The following SERPINB5 variants were observed in gnomAD, a reference collection of about 807,000 sequenced individuals.
SERPINB5 encodes serpin family B member 5, also known as serpin B5.
Under a neutral mutation model 32.2 loss-of-function variants are expected in SERPINB5, and 27 were observed. That is an observed-to-expected ratio of 0.84 (90% CI 0.62 to 1.16). The LOEUF is 1.16. Ranked by LOEUF, SERPINB5 falls within the 50% of genes most tolerant of loss-of-function variation. SERPINB5 has a pLI of 0.00. For missense variants in SERPINB5, 388 were observed against 436.3 expected (o/e 0.89, Z 0.99); for synonymous variants, 154 against 157.4 (o/e 0.98, Z 0.16).
intron 1 of SERPINB5, among the ~76,000 whole-genome samples, chr18:63,480,809 G>A (rs1465617183): frequency 6.6e-6 from 1 of 152,118 alleles, no homozygotes; most frequent in Non-Finnish European, 1.5e-5. Flanking sequence ...GTGATTTTTT[G>A]CAACTACAAC....
In SERPINB5 at chr18:63,487,038, A is replaced by G. The variant is rs1402201250; in HGVS notation, c.261A>G (p.Lys87=). The change falls in exon 3 of 7, where the codon AAA becomes AAG. Residue 87 remains lysine, a synonymous_variant. Transcript: ENST00000382771. Reference sequence around the variant, plus strand: ...AACTTAGTTCCTTTTACTCACTGAAACTAATCAAGCGGCTCTACGTAGACA... The same window carrying G: ...AACTTAGTTCCTTTTACTCACTGAAGCTAATCAAGCGGCTCTACGTAGACA... ...VNKLSSFYSL[K]LIKRLYVDKS... The G allele has an allele frequency of 6.2e-7, 1 of 1,614,060 alleles. No individual in the cohort carries two copies.
At position 63,489,430 on chromosome 18, in the gene SERPINB5, T is replaced by C; in HGVS notation, c.390T>C (p.Gly130=). Reference sequence around the variant, plus strand: ...AAGATAAATTGGAAGAAACGAAAGGTCAGATCAACAACTCAATTAAGGATC... The same window carrying C: ...AAGATAAATTGGAAGAAACGAAAGGCCAGATCAACAACTCAATTAAGGATC... ...DFKDKLEETK[G]QINNSIKDLT... The change falls in exon 4 of 7, where the codon GGT becomes GGC. Residue 130 remains glycine, a synonymous_variant. Transcript: ENST00000382771. 1 of 1,612,574 alleles carries C rather than the reference T, an allele frequency of 6.2e-7. No homozygotes were observed. Among genetic ancestry groups the C allele is most frequent in the Non-Finnish European group, 8.5e-7 (1 of 1,179,082 alleles).
At chr18:63,497,070 T>G in intron 5 of SERPINB5, 1 of 581,054 alleles carries the variant, frequency 1.7e-6, no homozygotes, top group South Asian at 1.4e-5. Flanking sequence ...TGTGTCTGCC[T>G]CCTTCTTGAA....
intron 5 of SERPINB5, chr18:63,497,088 G>A (rs1287408260): frequency 1.7e-6 from 1 of 595,204 alleles, no homozygotes; most frequent in African/African-American, 1.8e-5. Context: ...GAATAGCCCA[G>A]AGCATTCATC....
chr18:63,480,910 CCTTCCCAGACATGA>C (rs1347809373), intron 1 of SERPINB5, among the ~76,000 whole-genome samples: 1 of 152,152 alleles, frequency 6.6e-6, no homozygotes. Context: ...GGCTGTATGA[CCTTCCCAGACATGA>C]AGGAGAATTT....
intron 1 of SERPINB5, among the ~76,000 whole-genome samples, chr18:63,477,613 A>T (rs930509595): frequency 6.6e-6 from 1 of 152,172 alleles, no homozygotes; most frequent in Admixed American, 6.5e-5. Context: ...TCTAAGCGGA[A>T]ATTATTCTCC....
rs386387948 is a variant in SERPINB5 at position 63,498,749 on chromosome 18, G to GTATATA, written c.568-363_568-358dup. ...GACACTGTGTCAAGAGCAAATTTGT[G>GTATATA]TATATATATATATGTACATATATAT... is the stretch of plus-strand genomic sequence containing the variant. On this transcript the variant is annotated intron_variant, in intron 5 of 6. Transcript: ENST00000382771. The surrounding 1 kb of genome is among the most constrained non-coding windows in gnomAD (Gnocchi z 4.2). Among the ~76,000 whole-genome samples, 3,022 of 149,946 alleles carry GTATATA rather than the reference G, an allele frequency of 0.02. 31 individuals carry two copies. Among genetic ancestry groups the GTATATA allele is most frequent in the Middle Eastern group, 0.056 (16 of 284 alleles).
chr18:63,499,939 G>A (rs1909537073), intron 6 of SERPINB5, among the ~76,000 whole-genome samples: 1 of 151,926 alleles, frequency 6.6e-6, no homozygotes, highest in Non-Finnish European at 1.5e-5. Context: ...CCTGTTATTA[G>A]CATCTTGCAT....
At chr18:63,492,821 A>G (rs1909368602) in intron 4 of SERPINB5, 132 bp from the exon 5 acceptor site, 1 of 1,108,346 alleles carries the variant, frequency 9.0e-7, no homozygotes, top group Non-Finnish European at 1.3e-6. Context: ...CTGAAATTTG[A>G]TGGTTGGAAC....
At chr18:63,490,588 TC>T (rs1231895346) in intron 4 of SERPINB5, 1 of 152,154 alleles carries the variant, frequency 6.6e-6, no homozygotes. Flanking sequence ...GAGACCCACT[TC>T]CTGCGAGAAT....
intron 5 of SERPINB5, chr18:63,497,499 GAA>G (rs60323388): frequency 6.6e-3 from 1,466 of 222,394 alleles, no homozygotes; most frequent in South Asian, 0.015. Context: ...CAACGTTTCT[GAA>G]AAAAAAAAAA....
In SERPINB5 at chr18:63,494,237, G is replaced by T. The variant is rs927245347; in HGVS notation, c.567+1142G>T. Among the ~76,000 whole-genome samples the T allele has an allele frequency of 2.0e-5, 3 of 147,264 alleles. No homozygotes were observed. In the East Asian group the frequency reaches 6.1e-4, roughly 30 times the overall value. Reference sequence around the variant, plus strand: ...CTCAGGAGGCTGAGACAGGAGAATGGCTTGAACCCAGGAGGCAGAGGTTGC... The same window carrying T: ...CTCAGGAGGCTGAGACAGGAGAATGTCTTGAACCCAGGAGGCAGAGGTTGC... On this transcript the variant is annotated intron_variant, in intron 5 of 6. Coordinates refer to ENST00000382771, the MANE Select transcript of SERPINB5 (RefSeq NM_002639.5).
rs367852622 is a variant in SERPINB5 at position 63,499,268 on chromosome 18, A to T, written c.716A>T (p.Glu239Val). 1.3e-5 allele frequency: 20 copies of T among 1,585,868 alleles called. No homozygotes were observed. Among genetic ancestry groups the T allele is most frequent in the Non-Finnish European group, 1.5e-5 (17 of 1,165,418 alleles). Residue 239 changes from glutamate to valine, a missense_variant, in exon 6 of 7, where the codon GAG becomes GTG. Glu to Val is a moderately radical substitution (Grantham distance 121, BLOSUM62 -2). Transcript: ENST00000382771. ...CTACTACCCAAGGATGTGGAGGATG[A>T]GTCCACAGGCTTGGAGAAGGTAAGG... is the stretch of plus-strand genomic sequence containing the variant. ...FILLPKDVED[E>V]STGLEKIEKQ... is the part of the protein sequence containing the mutation.
At chr18:63,493,321 A>G in intron 5 of SERPINB5, 2 of 606,302 alleles carry the variant, frequency 3.3e-6, no homozygotes, top group South Asian at 4.3e-5. Context: ...GAGCTGAGTG[A>G]AACTTTATAG....
intron 2 of SERPINB5, among the ~76,000 whole-genome samples, chr18:63,486,175 T>C (rs1433672513): frequency 6.6e-6 from 1 of 152,186 alleles, no homozygotes; most frequent in African/African-American, 2.4e-5. Flanking sequence ...GGAAAGCAGG[T>C]ATTTTCAGCC....
chr18:63,484,675 G>A, intron 2 of SERPINB5, 79 bp downstream of exon 2: 1 of 1,306,598 alleles, frequency 7.7e-7, no homozygotes, highest in African/African-American at 1.5e-5. Context: ...CGGAAAAAAG[G>A]AATGTAGACT....
chr18:63,486,106 T>C (rs977811205), intron 2 of SERPINB5: 1 of 152,222 alleles, frequency 6.6e-6, no homozygotes, highest in African/African-American at 2.4e-5. Flanking sequence ...TAATTAACAG[T>C]TTGAATCCAT....
rs1242457824 is a variant in SERPINB5 at position 63,489,431 on chromosome 18, C to T, written c.391C>T (p.Gln131Ter). The change falls in exon 4 of 7, where the codon CAG becomes TAG. Residue 131 changes from glutamine to a stop codon, truncating the protein, a stop_gained. Transcript: ENST00000382771. LOFTEE classifies it high-confidence loss of function. ...FKDKLEETKGQINNSIKDLTD... is the reference protein window; with the variant it reads ...FKDKLEETKG ...AGATAAATTGGAAGAAACGAAAGGTCAGATCAACAACTCAATTAAGGATCT... is the reference window on the plus strand; with the variant it reads ...AGATAAATTGGAAGAAACGAAAGGTTAGATCAACAACTCAATTAAGGATCT... 5.6e-6 allele frequency: 9 copies of T among 1,611,992 alleles called. No homozygotes were observed. The highest frequency in any genetic ancestry group is 2.2e-5 in the East Asian group (1 of 44,798).
chr18:63,490,044 T>G (rs966041726), intron 4 of SERPINB5, among the ~76,000 whole-genome samples: 3 of 151,962 alleles, frequency 2.0e-5, no homozygotes, highest in South Asian at 2.1e-4. Flanking sequence ...TACAAAAAAT[T>G]AGCCGGGCGT....
Sources: gnomAD v4.1 joint callset for allele counts (sites outside exome capture counted in the v4.1 genomes callset) on GRCh38, gnomAD v4.1.1 for gene constraint, Gnocchi (gnomAD v3.1) non-coding constraint, MANE v1.5 for transcripts, NCBI Gene and HGNC (gene_info 2026-07-23, HGNC 2026-07-21) for gene names.